PLEKHG3: variants seen among roughly 807,000 people sequenced by gnomAD.
PLEKHG3 encodes pleckstrin homology and RhoGEF domain containing G3.
A neutral mutation model predicts 94.9 loss-of-function variants in PLEKHG3; 62 were observed. That is an observed-to-expected ratio of 0.65 (90% CI 0.53 to 0.81). The LOEUF is 0.81. Ranked by LOEUF, PLEKHG3 falls within the 30% of genes least tolerant of loss-of-function variation. PLEKHG3 has a pLI of 0.00. For synonymous variants in PLEKHG3, 614 were observed against 654.0 expected (o/e 0.94, Z 0.93); for missense variants, 1,461 against 1,619.3 (o/e 0.90, Z 1.68).
At chr14:64,737,409 A>G in intron 14 of PLEKHG3, 34 bp downstream of exon 14, 1 of 1,535,876 alleles carries the variant, frequency 6.5e-7, no homozygotes, top group Non-Finnish European at 8.8e-7. Flanking sequence ...ACTGGCTGAC[A>G]GAGGAGGGTG....
Position 64,727,503 on chromosome 14 carries a change from C to A in PLEKHG3, c.-39-90C>A. On this transcript the variant is annotated intron_variant, in intron 1 of 16. Transcript: ENST00000247226. The surrounding 1 kb of genome is among the most constrained non-coding windows in gnomAD (Gnocchi z 6.0). The stretch of plus-strand genomic sequence containing the variant: ...GATGCACTAAATAATACCTTCCCAC[C>A]CCACCTGCCCCCACCCCTGGCAACC... 1 of 446,578 alleles carries A rather than the reference C, an allele frequency of 2.2e-6. No homozygotes were observed. Among genetic ancestry groups the A allele is most frequent in the East Asian group, 4.6e-5 (1 of 21,910 alleles). The allele number at this position is 446,578 out of a possible 1,614,324, so 27.7% of individuals were successfully genotyped here.
In PLEKHG3 at chr14:64,743,366, G is replaced by A. The variant is rs1397644452; in HGVS notation, c.3323G>A (p.Gly1108Glu). 6 of 1,607,770 alleles carry A rather than the reference G, an allele frequency of 3.7e-6. No individual in the cohort carries two copies. Among genetic ancestry groups the A allele is most frequent in the Non-Finnish European group, 4.2e-6 (5 of 1,176,992 alleles). The change falls in exon 17 of 17, where the codon GGA becomes GAA. Residue 1108 changes from glycine to glutamate, a missense_variant. By Grantham distance (98) the Gly-to-Glu change is moderately conservative. Coordinates refer to ENST00000247226, the MANE Select transcript of PLEKHG3 (RefSeq NM_001308147.2). The surrounding 1 kb of genome is among the most constrained non-coding windows in gnomAD (Gnocchi z 7.2). ...AGCCTGAGCACCAAGAGGGGCCGGG[G>A]AGGCGGAGAGGCTGCCCAATCCCCT... ...CRSLSTKRGR[G>E]GGEAAQSPGP...
intron 1 of PLEKHG3, among the ~76,000 whole-genome samples, chr14:64,708,092 G>A (rs1472540206): frequency 1.3e-5 from 2 of 152,194 alleles, no homozygotes; most frequent in East Asian, 3.8e-4. Context: ...GGAATTAGAG[G>A]GAGGGGAAAA....
In PLEKHG3 at chr14:64,727,944, G is replaced by T; in HGVS notation, c.313G>T (p.Glu105Ter). ...AGTGGTGCGGGAGATCGTGGAGACAGAGCGCATGTACGTACAGGACCTGCG... is the reference window on the plus strand; with the variant it reads ...AGTGGTGCGGGAGATCGTGGAGACATAGCGCATGTACGTACAGGACCTGCG... ...GRVVREIVET[E>*]RMYVQDLRSI... The change falls in exon 2 of 17, where the codon GAG becomes TAG. Residue 105 changes from glutamate (E) to a stop codon, truncating the protein, a stop_gained. Coordinates refer to ENST00000247226, the MANE Select transcript of PLEKHG3 (RefSeq NM_001308147.2). LOFTEE classifies it high-confidence loss of function. This position sits in a 1 kb window ranked among gnomAD's most constrained non-coding sequence, Gnocchi z 6.0. 6.2e-7 allele frequency: 1 copy of T among 1,604,280 alleles called. No homozygotes were observed. The highest frequency in any genetic ancestry group is 8.5e-7 in the Non-Finnish European group (1 of 1,172,898).
intron 16 of PLEKHG3, among the ~76,000 whole-genome samples, chr14:64,742,780 A>G (rs138934423): frequency 0.011 from 1,672 of 152,114 alleles, 42 homozygotes; most frequent in African/African-American, 0.039. Context: ...TTGACTCCTG[A>G]CCCCTTTCCA....
intron 1 of PLEKHG3, among the ~76,000 whole-genome samples, chr14:64,711,708 G>A (rs941004987): frequency 3.5e-4 from 53 of 152,270 alleles, no homozygotes; most frequent in East Asian, 5.8e-4. Context: ...CATTGCGCCC[G>A]GCCAAGAGTT....
At chr14:64,705,480 G>A (rs573281812) in intron 1 of PLEKHG3, among the ~76,000 whole-genome samples, 2 of 152,298 alleles carry the variant, frequency 1.3e-5, no homozygotes, top group African/African-American at 4.8e-5. Context: ...TAGAGGCCGC[G>A]AAAGAGTTTG....
At chr14:64,709,586 A>C (rs1016283223) in intron 1 of PLEKHG3, among the ~76,000 whole-genome samples, 1 of 152,184 alleles carries the variant, frequency 6.6e-6, no homozygotes, top group African/African-American at 2.4e-5. Context: ...TATTGCCAGA[A>C]TCGGAGCTGG....
rs1000253433 is a variant in PLEKHG3, at chr14:64,730,556, C to T, written c.520-86C>T. 1.8e-6 allele frequency: 2 copies of T among 1,126,278 alleles called. No individual in the cohort carries two copies. The highest frequency in any genetic ancestry group is 3.1e-5 in the African/African-American group (2 of 65,236). The allele number at this position is 1,126,278 out of a possible 1,614,324, so 69.8% of individuals were successfully genotyped here. ...TTGGGAACAGGGGACAGAGGGTGCT[C>T]TGGGGGCCAGGGGCCTATCTGCTAC... On this transcript the variant is annotated intron_variant, in intron 4 of 16. Transcript: ENST00000247226. The surrounding 1 kb of genome is among the most constrained non-coding windows in gnomAD (Gnocchi z 5.4).
Position 64,741,051 on chromosome 14 carries a change from G to A in PLEKHG3, c.1534G>A (p.Glu512Lys). The A allele has an allele frequency of 1.9e-6, 3 of 1,588,350 alleles. No homozygotes were observed. The highest frequency in any genetic ancestry group is 1.1e-5 in the South Asian group (1 of 88,726). The change falls in exon 16 of 17, where the codon GAG (glutamate) becomes AAG (lysine). Residue 512 changes from glutamate (E) to lysine (K), a missense_variant. Physicochemically the swap from Glu to Lys is moderately conservative, Grantham distance 56. Transcript: ENST00000247226. ...TATGTTTCAGGTTGAGCCGGACCCT[G>A]AGGCTGGGAGTGAGCAAGAGGTATT... Reference protein sequence around the residue: ...SSLPEVEPDPEAGSEQEVFSA... With the variant: ...SSLPEVEPDPKAGSEQEVFSA...
At chr14:64,713,931 T>C (rs1017859822) in intron 1 of PLEKHG3, among the ~76,000 whole-genome samples, 4 of 152,218 alleles carry the variant, frequency 2.6e-5, no homozygotes, top group African/African-American at 9.6e-5. Context: ...TATTTCAATA[T>C]TGAATATTTT....
rs2081914942 is a variant in PLEKHG3 at position 64,749,760 on chromosome 14, G to A, written c.*6057G>A. ...TGGAGGGGGCGCTGGGCAGAGGGCT[G>A]GCTCTGATCCCACAATACCCTGAGC... is the stretch of plus-strand genomic sequence containing the variant. On this transcript the variant is annotated 3_prime_UTR_variant, in exon 17 of 17. Coordinates refer to ENST00000247226, the MANE Select transcript of PLEKHG3 (RefSeq NM_001308147.2). This position sits in a 1 kb window ranked among gnomAD's most constrained non-coding sequence, Gnocchi z 4.7. 6.3e-7 allele frequency: 1 copy of A among 1,586,712 alleles called. No homozygotes were observed. Among genetic ancestry groups the A allele is most frequent in the African/African-American group, 1.3e-5 (1 of 74,256 alleles).
chr14:64,704,430 TCGCTCCCTCGCTCC>T lies in PLEKHG3; in HGVS notation c.-312_-299del, dbSNP rs2080940708. 2 of 162,628 alleles carry T rather than the reference TCGCTCCCTCGCTCC, an allele frequency of 1.2e-5. No individual in the cohort carries two copies. Among genetic ancestry groups the T allele is most frequent in the African/African-American group, 4.8e-5 (2 of 41,266 alleles). The allele number at this position is 162,628 out of a possible 1,614,324, so 10.1% of individuals were successfully genotyped here. ...CTCGCTCCCTCGCTCCCTCGCTCCC[TCGCTCCCTCGCTCC>T]CTCCTGCCCTCCCGCTGCAGCTCCG... On this transcript the variant is annotated 5_prime_UTR_variant, in exon 1 of 17. Transcript: ENST00000247226. This position sits in a 1 kb window ranked among gnomAD's most constrained non-coding sequence, Gnocchi z 5.6.
chr14:64,716,452 A>ACACACACACACACAC lies in PLEKHG3; in HGVS notation c.-39-11127_-39-11126insCCACACACACACACA, dbSNP rs2081150122. 6.0e-5 allele frequency among the ~76,000 whole-genome samples: 8 copies of ACACACACACACACAC among 132,774 alleles called. No individual in the cohort carries two copies. Among genetic ancestry groups the ACACACACACACACAC allele is most frequent in the Non-Finnish European group, 9.7e-5 (6 of 62,090 alleles). 87.1% of individuals were successfully genotyped at this position (132,774 alleles called of 152,430 possible). ...TAGGGCCCTACACACACACACACAC[A>ACACACACACACACAC]CACACACACACACAACACACACACA... On this transcript the variant is annotated intron_variant, in intron 1 of 16. Transcript: ENST00000247226. This position sits in a 1 kb window ranked among gnomAD's most constrained non-coding sequence, Gnocchi z 5.0.
chr14:64,722,714 G>T lies in PLEKHG3; in HGVS notation c.-39-4879G>T, dbSNP rs993340794. Among the ~76,000 whole-genome samples the T allele has an allele frequency of 6.6e-6, 1 of 152,226 alleles. No homozygotes were observed. The highest frequency in any genetic ancestry group is 1.5e-5 in the Non-Finnish European group (1 of 68,030). On this transcript the variant is annotated intron_variant, in intron 1 of 16. Coordinates refer to ENST00000247226, the MANE Select transcript of PLEKHG3 (RefSeq NM_001308147.2). The surrounding 1 kb of genome is among the most constrained non-coding windows in gnomAD (Gnocchi z 4.3). ...AATGACGACATCAGCCTCTGAACCA[G>T]AATGTTTTCTGGGGAGTCTGGTGTG...
chr14:64,730,556 C>A lies in PLEKHG3; in HGVS notation c.520-86C>A, dbSNP rs1000253433. 8.9e-7 allele frequency: 1 copy of A among 1,126,394 alleles called. No individual in the cohort carries two copies. Among genetic ancestry groups the A allele is most frequent in the South Asian group, 1.3e-5 (1 of 77,666 alleles). The allele number at this position is 1,126,394 out of a possible 1,614,324, so 69.8% of individuals were successfully genotyped here. On this transcript the variant is annotated intron_variant, in intron 4 of 16. Transcript: ENST00000247226. This position sits in a 1 kb window ranked among gnomAD's most constrained non-coding sequence, Gnocchi z 5.4. ...TTGGGAACAGGGGACAGAGGGTGCT[C>A]TGGGGGCCAGGGGCCTATCTGCTAC...
intron 1 of PLEKHG3, among the ~76,000 whole-genome samples, chr14:64,719,831 A>T (rs1365107390): frequency 6.6e-6 from 1 of 152,204 alleles, no homozygotes; most frequent in Non-Finnish European, 1.5e-5. Context: ...GCGAATTTGC[A>T]GGGCTGGGTT....
intron 16 of PLEKHG3, 72 bp from the exon 17 acceptor site, chr14:64,742,910 C>T: frequency 6.7e-7 from 1 of 1,490,884 alleles, no homozygotes; most frequent in Non-Finnish European, 9.3e-7. Context: ...TGAGTTGGGG[C>T]CTGCTCAGAG....
intron 12 of PLEKHG3, among the ~76,000 whole-genome samples, chr14:64,733,830 T>C (rs2081519950): frequency 6.6e-6 from 1 of 152,216 alleles, no homozygotes. Context: ...AACTCCGTGG[T>C]GATGGGTGTG....
Sources: allele counts gnomAD v4.1 joint callset (sites outside exome capture counted in the v4.1 genomes callset), GRCh38; gene constraint gnomAD v4.1.1; non-coding constraint Gnocchi (gnomAD v3.1); transcripts MANE v1.5; gene names NCBI Gene and HGNC (gene_info 2026-07-23, HGNC 2026-07-21).